The following ODAD4 variants were observed in gnomAD, a reference collection of about 807,000 sequenced individuals.
The protein encoded by ODAD4 is outer dynein arm docking complex subunit 4.
Under a neutral mutation model 51.8 loss-of-function variants are expected in ODAD4, and 49 were observed. The observed-to-expected ratio is 0.95, with a 90% CI of 0.75 to 1.20. The LOEUF is 1.20. ODAD4 is among the 50% of genes most tolerant of loss of function. ODAD4 has a pLI of 0.00. For synonymous variants in ODAD4, 235 were observed against 221.3 expected, an observed-to-expected ratio of 1.06 and a Z score of -0.55; for missense variants, 590 against 586.5, an observed-to-expected ratio of 1.01 and a Z score of -0.06.
At chr17:41,932,792 T>C (rs993724809) in intron 1 of ODAD4, among the ~76,000 whole-genome samples, 2 of 150,720 alleles carry the variant, frequency 1.3e-5, no homozygotes, top group Non-Finnish European at 3.0e-5. Context: ...ATTGAACACT[T>C]GAGCTCAAGT....
chr17:41,947,757 T>G, intron 8 of ODAD4, among the ~76,000 whole-genome samples: 1 of 151,812 alleles, frequency 6.6e-6, no homozygotes. Context: ...ATGGCGCCAC[T>G]GCACTCTAGC....
At chr17:41,949,554 T>C (rs2144518586) in intron 9 of ODAD4, among the ~76,000 whole-genome samples, 1 of 152,324 alleles carries the variant, frequency 6.6e-6, no homozygotes, top group South Asian at 2.1e-4. Flanking sequence ...TGGGGTACCT[T>C]GAGCCTACCT....
Position 41,936,934 on chromosome 17 carries a change from G to A in ODAD4, c.625+7G>A. 6.2e-7 allele frequency: 1 copy of A among 1,612,912 alleles called. No individual in the cohort carries two copies. Among genetic ancestry groups the A allele is most frequent in the African/African-American group, 1.3e-5 (1 of 75,042 alleles). On this transcript the variant is annotated splice_region_variant and intron_variant, in intron 5 of 11. Transcript: ENST00000377540. ...AAGCTCCTATTGGATGAAGGTTTCG[G>A]ACACTTTGTTGGCACGGGGCCTTGG... is the stretch of plus-strand genomic sequence containing the variant.
At position 41,939,071 on chromosome 17, in the gene ODAD4, T is replaced by C; in HGVS notation, c.957T>C (p.Val319=). 6.2e-7 allele frequency: 1 copy of C among 1,613,880 alleles called. No individual in the cohort carries two copies. The highest frequency in any genetic ancestry group is 8.5e-7 in the Non-Finnish European group (1 of 1,179,842). ...AGGTACCCAACAAGGATGAACTGGTTGGAAACTTGTATAGCTGCATAGGGA... is the reference window on the plus strand; with the variant it reads ...AGGTACCCAACAAGGATGAACTGGTCGGAAACTTGTATAGCTGCATAGGGA... The part of the protein sequence containing the change: ...KEEVPNKDEL[V]GNLYSCIGNA... Residue 319 remains valine (V), a synonymous_variant, in exon 7 of 12, where the codon GTT becomes GTC. Coordinates refer to ENST00000377540, the MANE Select transcript of ODAD4 (RefSeq NM_031421.5).
At position 41,966,180 on chromosome 17, in the gene ODAD4, AGAG is replaced by A. The variant is rs1213380142; in HGVS notation, c.*702_*704del. Among the ~76,000 whole-genome samples, 3 of 152,218 alleles carry A rather than the reference AGAG, an allele frequency of 2.0e-5. No homozygotes were observed. Among genetic ancestry groups the A allele is most frequent in the Admixed American group, 1.3e-4 (2 of 15,284 alleles). The stretch of plus-strand genomic sequence containing the variant: ...CCAACGGAGCTCTCAGTGGTTTCAC[AGAG>A]GAGGTGGCAGCTGAGGATCTGGCCT... On this transcript the variant is annotated 3_prime_UTR_variant, in exon 12 of 12. Coordinates refer to ENST00000377540, the MANE Select transcript of ODAD4 (RefSeq NM_031421.5).
At chr17:41,951,438 CTTTA>C (rs1348240205) in intron 9 of ODAD4, among the ~76,000 whole-genome samples, 2 of 150,906 alleles carry the variant, frequency 1.3e-5, no homozygotes, top group African/African-American at 4.9e-5. Context: ...AGCCGGTGAA[CTTTA>C]TTTATTTATT....
At position 41,965,513 on chromosome 17, in the gene ODAD4, C is replaced by T; in HGVS notation, c.*30C>T. On this transcript the variant is annotated 3_prime_UTR_variant, in exon 12 of 12. Coordinates refer to ENST00000377540, the MANE Select transcript of ODAD4 (RefSeq NM_031421.5). The stretch of plus-strand genomic sequence containing the variant: ...ATCGGTAGAGATGAGGATCAGGAAG[C>T]TGGTGTTCAGAGGGATCATGGGATT... 1.3e-6 allele frequency: 1 copy of T among 742,036 alleles called. No individual in the cohort carries two copies. The allele number at this position is 742,036 out of a possible 1,614,324, so 46.0% of individuals were successfully genotyped here.
In ODAD4 at chr17:41,944,391, TACACAC is replaced by T. The variant is rs1158342629; in HGVS notation, c.1059-696_1059-691del. ...AAAACAAACAAACCCCAAACACACA[TACACAC>T]ACACACACACACACACACACACACA... On this transcript the variant is annotated intron_variant, in intron 7 of 11. Coordinates refer to ENST00000377540, the MANE Select transcript of ODAD4 (RefSeq NM_031421.5). Among the ~76,000 whole-genome samples, 7 of 78,704 alleles carry T rather than the reference TACACAC, an allele frequency of 8.9e-5. 1 individual carries two copies. Among genetic ancestry groups the T allele is most frequent in the African/African-American group, 3.3e-4 (5 of 15,028 alleles). The allele number at this position is 78,704 out of a possible 152,430, so 51.6% of individuals were successfully genotyped here. A position where few individuals can be genotyped will look rare whatever the true frequency, so the allele number is the denominator to read the frequency against.
intron 5 of ODAD4, among the ~76,000 whole-genome samples, chr17:41,938,267 G>A (rs1196628176): frequency 6.6e-6 from 1 of 152,198 alleles, no homozygotes; most frequent in Admixed American, 6.5e-5. Context: ...AACTGGGGAA[G>A]CCCCGAGGCT....
At chr17:41,948,673 C>G (rs2144517369) in intron 8 of ODAD4, among the ~76,000 whole-genome samples, 1 of 152,134 alleles carries the variant, frequency 6.6e-6, no homozygotes, top group Admixed American at 6.6e-5. Flanking sequence ...TGGAGTCTTG[C>G]TCTGTCACCC....
rs2050683529 is a variant in ODAD4 at position 41,953,278 on chromosome 17, C to T, written c.1343-1939C>T. 2.0e-5 allele frequency among the ~76,000 whole-genome samples: 3 copies of T among 152,218 alleles called. No individual in the cohort carries two copies. In the South Asian group the frequency reaches 6.2e-4, roughly 32 times the overall value. ...GTTTCACCATGTTGGCCATGCTGAT[C>T]TCAATCTCCTGACCTTGTGATCCGC... is the stretch of plus-strand genomic sequence containing the variant. On this transcript the variant is annotated intron_variant, in intron 9 of 11. Transcript: ENST00000377540.
chr17:41,939,204 G>A, intron 7 of ODAD4, 32 bp downstream of exon 7: 1 of 1,588,084 alleles, frequency 6.3e-7, no homozygotes, highest in Admixed American at 1.8e-5. Flanking sequence ...ACTGGCGTGA[G>A]CCTACGGAGA....
intron 7 of ODAD4, among the ~76,000 whole-genome samples, chr17:41,942,233 G>T (rs1001700917): frequency 6.6e-6 from 1 of 152,062 alleles, no homozygotes; most frequent in African/African-American, 2.4e-5. Context: ...ACCATGCCCG[G>T]GCTATTAGTT....
chr17:41,953,666 T>C (rs151232776), intron 9 of ODAD4, among the ~76,000 whole-genome samples: 1 of 147,642 alleles, frequency 6.8e-6, no homozygotes, highest in East Asian at 2.0e-4. Context: ...TATATATATA[T>C]ATAGAGAGAG....
intron 8 of ODAD4, among the ~76,000 whole-genome samples, chr17:41,948,460 C>T (rs2050615421): frequency 6.6e-6 from 1 of 151,772 alleles, no homozygotes; most frequent in Non-Finnish European, 1.5e-5. Context: ...GGGCTACAGG[C>T]GCACACCACT....
rs782228627 is a variant in ODAD4, at chr17:41,936,451, G to A, written c.398-22G>A. ...TGCCTGGGGGGTCTGGCCGACCTGA[G>A]CTCCAGCTTCTTTCCTTGCAGGTCC... On this transcript the variant is annotated intron_variant, in intron 3 of 11. Transcript: ENST00000377540. 5 of 1,603,454 alleles carry A rather than the reference G, an allele frequency of 3.1e-6. No homozygotes were observed. The Admixed American group carries it at 5.0e-5, about 16-fold the overall frequency.
intron 1 of ODAD4, 55 bp from the exon 2 acceptor site, chr17:41,935,162 C>T: frequency 6.2e-6 from 10 of 1,608,798 alleles, no homozygotes; most frequent in Non-Finnish European, 8.5e-6. Flanking sequence ...CTTCCCACTC[C>T]AGCTTCTACC....
At chr17:41,940,990 C>T (rs1171951582) in intron 7 of ODAD4, among the ~76,000 whole-genome samples, 7 of 152,178 alleles carry the variant, frequency 4.6e-5, no homozygotes, top group African/African-American at 1.4e-4. Context: ...GCCAGAAGAC[C>T]GGAGGCTTCC....
At position 41,936,777 on chromosome 17, in the gene ODAD4, C is replaced by A. The variant is rs2144493719; in HGVS notation, c.475C>A (p.Gln159Lys). The A allele has an allele frequency of 6.2e-7, 1 of 1,613,936 alleles. No homozygotes were observed. Among genetic ancestry groups the A allele is most frequent in the African/African-American group, 1.3e-5 (1 of 75,022 alleles). The stretch of plus-strand genomic sequence containing the variant: ...ATTTTCTCAGAATATAAAAGCCCAG[C>A]AGAAGCCTCAGCCCATGAAACACCT... Reference protein sequence around the residue: ...SKQAENIKAQQKPQPMKHLLH... With the variant: ...SKQAENIKAQKKPQPMKHLLH... The change falls in exon 5 of 12, where the codon CAG (glutamine) becomes AAG (lysine). Residue 159 changes from glutamine to lysine, a missense_variant. Coordinates refer to ENST00000377540, the MANE Select transcript of ODAD4 (RefSeq NM_031421.5).
Sources: allele counts gnomAD v4.1 joint callset (sites outside exome capture counted in the v4.1 genomes callset), GRCh38; gene constraint gnomAD v4.1.1; transcripts MANE v1.5; gene names NCBI Gene and HGNC (gene_info 2026-07-23, HGNC 2026-07-21).